Variants in DOCK9 observed in about 807,000 individuals in gnomAD.
DOCK9 encodes dedicator of cytokinesis protein 9.
A neutral mutation model predicts 263.3 loss-of-function variants in DOCK9; 89 were observed. The observed-to-expected ratio is 0.34, with a 90% CI of 0.28 to 0.40. DOCK9 has a LOEUF of 0.40. DOCK9 is among the 10% of genes least tolerant of loss of function. The pLI, the probability that DOCK9 is intolerant of heterozygous loss-of-function variation, is 1.00. For missense variants in DOCK9, 2,140 were observed against 2,603.4 expected (o/e 0.82, Z 3.87); for synonymous variants, 976 against 973.1 (o/e 1.00, Z -0.06).
chr13:98,982,301 C>T (rs897408492), upstream of DOCK9, among the ~76,000 whole-genome samples: 4 of 152,144 alleles, frequency 2.6e-5, no homozygotes, highest in African/African-American at 9.7e-5. Flanking sequence ...CTTCCTCTTC[C>T]ACCCATAAGA....
chr13:99,081,201 A>C (rs1048955609), intron 1 of DOCK9, among the ~76,000 whole-genome samples: 6 of 152,180 alleles, frequency 3.9e-5, no homozygotes, highest in African/African-American at 7.2e-5. Flanking sequence ...AATTATAGCC[A>C]AAAACGAGAT....
At chr13:98,951,318 A>T (rs1476894819) in intron 2 of DOCK9, among the ~76,000 whole-genome samples, 2 of 152,228 alleles carry the variant, frequency 1.3e-5, no homozygotes, top group Non-Finnish European at 2.9e-5. Flanking sequence ...AGTCGCTGGG[A>T]CTATCACATG....
intron 2 of DOCK9, among the ~76,000 whole-genome samples, chr13:98,936,118 ACT>A (rs1385989802): frequency 2.6e-5 from 4 of 152,030 alleles, no homozygotes; most frequent in Non-Finnish European, 5.9e-5. Context: ...AGCCTGAAAC[ACT>A]CTGGGTGACC....
intron 27 of DOCK9, among the ~76,000 whole-genome samples, chr13:98,876,362 A>G (rs1344141008): frequency 6.6e-6 from 1 of 152,214 alleles, no homozygotes; most frequent in Non-Finnish European, 1.5e-5. Context: ...GTGGTAGCGC[A>G]TGACTGTAAT....
At chr13:98,804,271 C>T (rs1201171051) in intron 49 of DOCK9, among the ~76,000 whole-genome samples, 1 of 152,168 alleles carries the variant, frequency 6.6e-6, no homozygotes, top group Non-Finnish European at 1.5e-5. Context: ...TAGGTTACCC[C>T]AGTGATGTCG....
intron 1 of DOCK9, among the ~76,000 whole-genome samples, chr13:99,028,161 G>C (rs1284012283): frequency 2.0e-5 from 3 of 152,194 alleles, no homozygotes; most frequent in African/African-American, 7.2e-5. Flanking sequence ...AAGGGAGGCA[G>C]CAATGTTTCC....
chr13:98,923,554 G>A (rs1247932997), intron 4 of DOCK9, among the ~76,000 whole-genome samples, 183 bp from the exon 5 acceptor site: 1 of 152,154 alleles, frequency 6.6e-6, no homozygotes, highest in Non-Finnish European at 1.5e-5. Context: ...CAAGAGACTT[G>A]AGTAAGAAAG....
chr13:98,793,871 T>G lies in DOCK9; in HGVS notation c.*755A>C, dbSNP rs2089008063. 6.6e-6 allele frequency: 1 copy of G among 152,648 alleles called. No individual in the cohort carries two copies. Among genetic ancestry groups the G allele is most frequent in the Admixed American group, 6.5e-5 (1 of 15,282 alleles). 9.5% of individuals were successfully genotyped at this position (152,648 alleles called of 1,614,324 possible). ...ATTAAACTTAATGCATAAGCCCATG[T>G]GAGTATTAAAAATGTAGAAATGTAA... On this transcript the variant is annotated 3_prime_UTR_variant, in exon 53 of 53. Transcript: ENST00000682017.
chr13:98,904,668 G>T lies in DOCK9; in HGVS notation c.999C>A (p.Ser333Arg). The T allele has an allele frequency of 6.4e-7, 1 of 1,557,952 alleles. No homozygotes were observed. Among genetic ancestry groups the T allele is most frequent in the Non-Finnish European group, 8.7e-7 (1 of 1,149,610 alleles). Residue 333 changes from serine to arginine, a missense_variant, in exon 10 of 53, where the codon AGC (serine) becomes AGA (arginine). By Grantham distance (110) the Ser-to-Arg change is moderately radical. Around this residue, in one of 2 missense-constraint regions of DOCK9, gnomAD observed 1,521 missense variants for 1,741.7 expected, o/e 0.87. Coordinates refer to ENST00000682017, the MANE Select transcript of DOCK9 (RefSeq NM_001366683.2). Reference protein sequence around the residue: ...REAEIKLKSESRVKLFYLDPD... With the variant: ...REAEIKLKSERRVKLFYLDPD... ...GGTCCAAATAAAAAAGTTTGACTCTGCTTTCACTTTTCAGTTTGATTTCTG... is the reference window on the plus strand; with the variant it reads ...GGTCCAAATAAAAAAGTTTGACTCTTCTTTCACTTTTCAGTTTGATTTCTG...
intron 50 of DOCK9, among the ~76,000 whole-genome samples, chr13:98,799,130 A>G (rs1408729843): frequency 6.6e-6 from 1 of 152,250 alleles, no homozygotes; most frequent in Admixed American, 6.5e-5. Flanking sequence ...AAGGAAAGAG[A>G]TTAAAAACAT....
At chr13:99,040,451 T>G (rs552294638) in intron 1 of DOCK9, among the ~76,000 whole-genome samples, 36 of 152,180 alleles carry the variant, frequency 2.4e-4, no homozygotes, top group Admixed American at 7.2e-4. Flanking sequence ...AAAATCCTGA[T>G]GCTGACTTTC....
At chr13:98,878,533 G>A (rs1205486538) in intron 27 of DOCK9, among the ~76,000 whole-genome samples, 1 of 152,156 alleles carries the variant, frequency 6.6e-6, no homozygotes, top group Admixed American at 6.5e-5. Context: ...TCTACATGAT[G>A]TGTGTGTCTG....
At chr13:99,043,903 T>C (rs1595972403) in intron 1 of DOCK9, among the ~76,000 whole-genome samples, 1 of 152,014 alleles carries the variant, frequency 6.6e-6, no homozygotes, top group Non-Finnish European at 1.5e-5. Flanking sequence ...GGTGTGACCA[T>C]CCCTCCACAC....
intron 27 of DOCK9, among the ~76,000 whole-genome samples, chr13:98,879,359 C>T (rs1352347784): frequency 2.6e-5 from 4 of 152,094 alleles, no homozygotes; most frequent in Non-Finnish European, 5.9e-5. Flanking sequence ...TGAGACTGCG[C>T]ATCTGCCCCA....
chr13:98,811,863 T>G (rs1410562245), intron 45 of DOCK9, among the ~76,000 whole-genome samples: 2 of 152,230 alleles, frequency 1.3e-5, no homozygotes, highest in African/African-American at 2.4e-5. Flanking sequence ...CTCTTATGTT[T>G]TCTTCCAGAA....
chr13:98,855,891 C>T lies in DOCK9; in HGVS notation c.3831+7G>A, dbSNP rs1377250493. 6.2e-7 allele frequency: 1 copy of T among 1,613,662 alleles called. No homozygotes were observed. The highest frequency in any genetic ancestry group is 8.5e-7 in the Non-Finnish European group (1 of 1,179,748). On this transcript the variant is annotated splice_region_variant and intron_variant, in intron 34 of 52. Coordinates refer to ENST00000682017, the MANE Select transcript of DOCK9 (RefSeq NM_001366683.2). ...AGAAACATTTGTGTTGGGTGAAAAGCAATTACCTTATCCAGGGAATTGCTC... is the reference window on the plus strand; with the variant it reads ...AGAAACATTTGTGTTGGGTGAAAAGTAATTACCTTATCCAGGGAATTGCTC...
At chr13:99,011,837 T>G (rs1174451115) in intron 1 of DOCK9, among the ~76,000 whole-genome samples, 1 of 152,210 alleles carries the variant, frequency 6.6e-6, no homozygotes. Flanking sequence ...TATTTGTTTG[T>G]CTGAGACATG....
At chr13:98,887,952 A>G in intron 18 of DOCK9, among the ~76,000 whole-genome samples, 1 of 152,170 alleles carries the variant, frequency 6.6e-6, no homozygotes. Flanking sequence ...AAAAGAATAA[A>G]AAACAGTCAA....
rs1233268084 is a variant in DOCK9, at chr13:99,008,234, A to ATAT, written c.130-52684_130-52683insATA. 7.1e-3 allele frequency among the ~76,000 whole-genome samples: 664 copies of ATAT among 93,954 alleles called. 11 individuals are homozygous for ATAT. Among genetic ancestry groups the ATAT allele is most frequent in the East Asian group, 0.025 (61 of 2,482 alleles). The allele number at this position is 93,954 out of a possible 152,430, so 61.6% of individuals were successfully genotyped here. A position where few individuals can be genotyped will look rare whatever the true frequency, so the allele number is the denominator to read the frequency against. On this transcript the variant is annotated intron_variant, in intron 1 of 32. Transcript: ENST00000427887. ...TCTCTATATATATATATATATATAT[A>ATAT]TTTTTTTTTTTTTTTGAGACGAAGT... is the stretch of plus-strand genomic sequence containing the variant.
Sources: gnomAD v4.1 joint callset for allele counts (sites outside exome capture counted in the v4.1 genomes callset) on GRCh38, gnomAD v4.1.1 for gene constraint, gnomAD v4.1.1 regional missense constraint, MANE v1.5 for transcripts, NCBI Gene and HGNC (gene_info 2026-07-23, HGNC 2026-07-21) for gene names.